The following COL11A1 variants were observed in gnomAD, a reference collection of about 807,000 sequenced individuals.
The protein encoded by COL11A1 is collagen alpha-1(XI) chain.
Under a neutral mutation model 265.2 loss-of-function variants are expected in COL11A1, and 74 were observed. The observed-to-expected ratio is 0.28, with a 90% CI of 0.23 to 0.34. The LOEUF (loss-of-function observed/expected upper bound fraction) is 0.34, where lower values mean the gene tolerates loss of function less well. Ranked by LOEUF, COL11A1 falls within the 10% of genes least tolerant of loss-of-function variation. COL11A1 has a pLI of 1.00. For missense variants in COL11A1, 2,165 were observed against 2,263.6 expected, an observed-to-expected ratio of 0.96 and a Z score of 0.88; for synonymous variants, 816 against 727.6, an observed-to-expected ratio of 1.12 and a Z score of -1.96.
chr1:102,914,242 CT>C, intron 52 of COL11A1, 109 bp downstream of exon 52: 1 of 843,582 alleles, frequency 1.2e-6, no homozygotes, highest in South Asian at 1.6e-5. Context: ...CTTTTTCTTT[CT>C]GTTTTTGGGA....
At chr1:102,972,358 ATAT>A in intron 36 of COL11A1, among the ~76,000 whole-genome samples, 1 of 152,268 alleles carries the variant, frequency 6.6e-6, no homozygotes, top group African/African-American at 2.4e-5. Context: ...TCATTGCAAA[ATAT>A]TATAATACTT....
At chr1:103,039,332 G>A (rs962265988) in intron 4 of COL11A1, among the ~76,000 whole-genome samples, 9 of 152,064 alleles carry the variant, frequency 5.9e-5, no homozygotes, top group African/African-American at 1.7e-4. Context: ...AGCTTGCCCA[G>A]ACTGAGTGCT....
intron 4 of COL11A1, among the ~76,000 whole-genome samples, chr1:103,041,492 G>T (rs926830272): frequency 6.6e-6 from 1 of 151,406 alleles, no homozygotes; most frequent in Non-Finnish European, 1.5e-5. Context: ...ATATAAAGTG[G>T]TACTATCCCA....
intron 4 of COL11A1, among the ~76,000 whole-genome samples, chr1:103,034,373 T>A (rs889165590): frequency 2.7e-5 from 4 of 150,786 alleles, no homozygotes; most frequent in Admixed American, 1.3e-4. Flanking sequence ...CAACTTTTTT[T>A]AATGTATTTT....
At chr1:103,026,096 T>G in intron 6 of COL11A1, 120 bp downstream of exon 6, 1 of 1,192,318 alleles carries the variant, frequency 8.4e-7, no homozygotes, top group East Asian at 2.3e-5. Flanking sequence ...TCACAGTTAT[T>G]GGTTCAGAGA....
At chr1:102,896,978 G>A (rs1005503724) in intron 57 of COL11A1, among the ~76,000 whole-genome samples, 28 of 151,958 alleles carry the variant, frequency 1.8e-4, no homozygotes, top group African/African-American at 6.5e-4. Flanking sequence ...GCTTCAACCG[G>A]GGCCCTTTTC....
At chr1:102,917,847 C>A (rs1292170174) in intron 49 of COL11A1, among the ~76,000 whole-genome samples, 3 of 151,428 alleles carry the variant, frequency 2.0e-5, no homozygotes, top group Admixed American at 2.0e-4. Context: ...AAAGTATGAG[C>A]TTTTTACTAC....
chr1:102,946,040 A>T (rs1002353121), intron 42 of COL11A1, among the ~76,000 whole-genome samples: 2 of 141,602 alleles, frequency 1.4e-5, no homozygotes, highest in Non-Finnish European at 3.1e-5. Flanking sequence ...ACATGGATGA[A>T]ATTGGAAATC....
intron 23 of COL11A1, 49 bp from the exon 24 acceptor site, chr1:103,002,018 T>C: frequency 3.3e-6 from 5 of 1,520,616 alleles, no homozygotes; most frequent in South Asian, 1.1e-5. Context: ...ATCACAGTAA[T>C]ATGCTTTTAA....
intron 63 of COL11A1, 146 bp downstream of exon 63, chr1:102,886,661 A>T: frequency 8.5e-7 from 1 of 1,176,818 alleles, no homozygotes; most frequent in Non-Finnish European, 1.2e-6. Flanking sequence ...AGTATAAATG[A>T]TTTTTTCTGT....
intron 36 of COL11A1, among the ~76,000 whole-genome samples, chr1:102,973,474 G>C (rs1841835): frequency 0.013 from 1,918 of 152,090 alleles, 23 homozygotes; most frequent in Middle Eastern, 0.02. Flanking sequence ...AAACATAAAT[G>C]GTACAATACT....
chr1:102,922,224 A>G (rs577489473), intron 47 of COL11A1, among the ~76,000 whole-genome samples: 93 of 152,292 alleles, frequency 6.1e-4, no homozygotes, highest in African/African-American at 2.2e-3. Flanking sequence ...AGTATTTTTA[A>G]AAGATCTCAG....
intron 7 of COL11A1, among the ~76,000 whole-genome samples, chr1:103,024,788 T>A (rs1667390481): frequency 6.6e-6 from 1 of 152,280 alleles, no homozygotes; most frequent in South Asian, 2.1e-4. Context: ...ACATTTTACA[T>A]AAATTTTCTT....
chr1:103,055,771 ATTC>A (rs1165032143), intron 4 of COL11A1, among the ~76,000 whole-genome samples: 1 of 152,166 alleles, frequency 6.6e-6, no homozygotes, highest in Admixed American at 6.6e-5. Flanking sequence ...CCCCAAGACA[ATTC>A]TTCTCTTCCA....
At chr1:103,040,257 C>T (rs1174607198) in intron 4 of COL11A1, among the ~76,000 whole-genome samples, 1 of 151,184 alleles carries the variant, frequency 6.6e-6, no homozygotes, top group Admixed American at 6.6e-5. Flanking sequence ...TGTGTGTATA[C>T]ATTTATATAT....
At position 102,886,787 on chromosome 1, in the gene COL11A1, G is replaced by A; in HGVS notation, c.4858+20C>T. ...CTCAGGGGCTCGGTACATTTGCTTT[G>A]TCATGTATTATTTACATACCATCTG... On this transcript the variant is annotated intron_variant, in intron 63 of 66. Coordinates refer to ENST00000370096, the MANE Select transcript of COL11A1 (RefSeq NM_001854.4). 1 of 1,613,690 alleles carries A rather than the reference G, an allele frequency of 6.2e-7. No individual in the cohort carries two copies. The highest frequency in any genetic ancestry group is 8.5e-7 in the Non-Finnish European group (1 of 1,179,694).
At chr1:103,000,678 T>A (rs1665021175) in intron 24 of COL11A1, among the ~76,000 whole-genome samples, 2 of 151,886 alleles carry the variant, frequency 1.3e-5, no homozygotes, top group South Asian at 2.1e-4. Context: ...AATGGTACAA[T>A]CGATATGGAA....
intron 4 of COL11A1, among the ~76,000 whole-genome samples, chr1:103,053,660 C>T (rs1571165176): frequency 1.3e-5 from 2 of 152,282 alleles, no homozygotes; most frequent in South Asian, 4.1e-4. Flanking sequence ...AAAAGAATTA[C>T]ATCAAAGTTG....
chr1:102,989,066 A>C (rs748258524), intron 29 of COL11A1, among the ~76,000 whole-genome samples: 10 of 152,084 alleles, frequency 6.6e-5, no homozygotes, highest in Non-Finnish European at 1.3e-4. Context: ...AAAAACTACT[A>C]TTTTTACATT....
Sources: gnomAD v4.1 joint callset for allele counts (sites outside exome capture counted in the v4.1 genomes callset) on GRCh38, gnomAD v4.1.1 for gene constraint, MANE v1.5 for transcripts, NCBI Gene and HGNC (gene_info 2026-07-23, HGNC 2026-07-21) for gene names.